DMD: variants seen among roughly 807,000 people sequenced by gnomAD.
The protein encoded by DMD is dystrophin, also known as mutant dystrophin.
In DMD, 63 loss-of-function variants were observed where a neutral mutation model predicts 330.1. The observed-to-expected ratio is 0.19, with a 90% confidence interval of 0.16 to 0.24. The LOEUF is 0.24. Among genes scored for constraint, DMD ranks in the 10% least tolerant of loss-of-function variants. DMD has a pLI of 1.00. For missense variants in DMD, 3,344 were observed against 2,684.1 expected, an observed-to-expected ratio of 1.25 and a Z score of -5.43; for synonymous variants, 1,223 against 959.8, an observed-to-expected ratio of 1.27 and a Z score of -5.07.
chrX:31,994,543 AAC>A (rs1378446704), intron 44 of DMD, among the ~76,000 whole-genome samples: 2 of 111,624 alleles, frequency 1.8e-5, no homozygotes, highest in East Asian at 5.7e-4. Flanking sequence ...TCATCTGGAA[AAC>A]AGTCTGGCAA....
chrX:32,856,968 G>A (rs2081618911), intron 2 of DMD, among the ~76,000 whole-genome samples: 1 of 110,312 alleles, frequency 9.1e-6, no homozygotes, highest in Non-Finnish European at 1.9e-5. Context: ...CCAGCTACTT[G>A]GGAGGCTGAG....
At chrX:31,860,955 T>C (rs1479134993) in intron 48 of DMD, among the ~76,000 whole-genome samples, 1 of 112,501 alleles carries the variant, frequency 8.9e-6, no homozygotes, top group Admixed American at 9.4e-5. Flanking sequence ...AGACCATTCC[T>C]ATGCAATTCA....
chrX:31,128,887 T>C (rs1219669115), intron 77 of DMD, among the ~76,000 whole-genome samples: 1 of 112,562 alleles, frequency 8.9e-6, no homozygotes, highest in Non-Finnish European at 1.9e-5. Context: ...GGACTAGTTC[T>C]ACGCTGACAA....
chrX:32,474,562 G>T (rs751871313), intron 21 of DMD, among the ~76,000 whole-genome samples: 1 of 111,861 alleles, frequency 8.9e-6, no homozygotes. Context: ...ATTCTTGCAA[G>T]AGTAAGGTGG....
intron 2 of DMD, among the ~76,000 whole-genome samples, chrX:32,899,168 C>T (rs893716399): frequency 2.7e-5 from 3 of 112,224 alleles, no homozygotes; most frequent in African/African-American, 6.5e-5. Flanking sequence ...TTAGACTGGG[C>T]ACAGGCGTGC....
intron 67 of DMD, among the ~76,000 whole-genome samples, chrX:31,196,493 G>GT (rs980838135): frequency 3.6e-5 from 4 of 110,857 alleles, no homozygotes; most frequent in Non-Finnish European, 5.7e-5. Context: ...GTGAAGGAGG[G>GT]TTTTTAGGAG....
chrX:31,217,146 G>C (rs1213921690), intron 64 of DMD, among the ~76,000 whole-genome samples: 1 of 109,912 alleles, frequency 9.1e-6, no homozygotes, highest in Non-Finnish European at 1.9e-5. Context: ...GAAAGAAAAT[G>C]CTTAAATTAC....
chrX:32,675,569 T>C (rs970774806), intron 9 of DMD, among the ~76,000 whole-genome samples: 1 of 111,745 alleles, frequency 8.9e-6, no homozygotes, highest in African/African-American at 3.2e-5. Context: ...ATGAAGTGTG[T>C]GCATAAGTGT....
intron 43 of DMD, among the ~76,000 whole-genome samples, chrX:32,253,839 T>C (rs896548624): frequency 3.7e-5 from 4 of 109,055 alleles, no homozygotes; most frequent in African/African-American, 1.3e-4. Context: ...GGCTAGGCTG[T>C]TTTCGAACTC....
chrX:32,193,788 G>A (rs576384134), intron 44 of DMD, among the ~76,000 whole-genome samples: 1 of 111,501 alleles, frequency 9.0e-6, no homozygotes, highest in East Asian at 2.8e-4. Context: ...CAGGATCGCA[G>A]GAATTATATT....
intron 52 of DMD, among the ~76,000 whole-genome samples, chrX:31,689,771 G>C (rs1448835714): frequency 1.8e-5 from 2 of 111,442 alleles, no homozygotes; most frequent in African/African-American, 6.5e-5. Flanking sequence ...CCAAAACAGA[G>C]ATATACACCA....
chrX:31,648,275 G>C (rs1359544931), intron 54 of DMD, among the ~76,000 whole-genome samples: 1 of 110,733 alleles, frequency 9.0e-6, no homozygotes, highest in Non-Finnish European at 1.9e-5. Context: ...TGTACTAAAG[G>C]AAAGAAGTTA....
intron 64 of DMD, among the ~76,000 whole-genome samples, chrX:31,221,351 C>A (rs757785997): frequency 1.8e-5 from 2 of 112,288 alleles, no homozygotes; most frequent in South Asian, 7.4e-4. Context: ...ATAGATCTTT[C>A]CCCTGGAATT....
intron 48 of DMD, among the ~76,000 whole-genome samples, chrX:31,871,371 T>C (rs1045670690): frequency 3.6e-5 from 4 of 111,432 alleles, no homozygotes; most frequent in Non-Finnish European, 7.5e-5. Context: ...ATAAACAATG[T>C]ATTAGAACAC....
intron 60 of DMD, among the ~76,000 whole-genome samples, chrX:31,367,192 C>T (rs920839194): frequency 6.3e-5 from 7 of 111,050 alleles, no homozygotes; most frequent in African/African-American, 1.3e-4. Flanking sequence ...ATAAAATAAC[C>T]GGGGGAAAAT....
intron 1 of DMD, among the ~76,000 whole-genome samples, chrX:33,312,032 C>A (rs1207928089): frequency 2.8e-5 from 3 of 109,024 alleles, no homozygotes; most frequent in Non-Finnish European, 5.7e-5. Context: ...AGAATTTATT[C>A]TTCATAGAAC....
At chrX:32,496,788 G>T (rs187047168) in intron 19 of DMD, among the ~76,000 whole-genome samples, 75 of 112,763 alleles carry the variant, frequency 6.7e-4, no homozygotes, top group Non-Finnish European at 3.4e-4. Flanking sequence ...AACATTTATT[G>T]AATGTGAACT....
At chrX:32,975,240 G>T (rs1452499788) in intron 2 of DMD, among the ~76,000 whole-genome samples, 1 of 108,617 alleles carries the variant, frequency 9.2e-6, no homozygotes, top group Non-Finnish European at 1.9e-5. Context: ...TGTCTTGATG[G>T]ACTATTAACA....
chrX:32,923,064 T>C (rs1167324312), intron 2 of DMD, among the ~76,000 whole-genome samples: 1 of 111,808 alleles, frequency 8.9e-6, no homozygotes, highest in African/African-American at 3.3e-5. Context: ...GAATTCTATG[T>C]CTCCTATTTA....
Sources: allele counts gnomAD v4.1 joint callset (sites outside exome capture counted in the v4.1 genomes callset), GRCh38; gene constraint gnomAD v4.1.1; transcripts MANE v1.5; gene names NCBI Gene and HGNC (gene_info 2026-07-23, HGNC 2026-07-21).